The following LATS2 variants were observed in gnomAD, a reference collection of about 807,000 sequenced individuals.
LATS2 encodes the protein serine/threonine-protein kinase LATS2.
Under a neutral mutation model 76.0 loss-of-function variants are expected in LATS2, and 24 were observed. The observed-to-expected ratio is 0.32, with a 90% CI of 0.23 to 0.44. The LOEUF (loss-of-function observed/expected upper bound fraction) is 0.44. Among genes scored for constraint, LATS2 ranks in the 20% least tolerant of loss-of-function variants. The pLI is 1.00. For synonymous variants in LATS2, 692 were observed against 635.4 expected (o/e 1.09, Z -1.34); for missense variants, 1,286 against 1,481.2 (o/e 0.87, Z 2.16).
At chr13:20,987,485 A>T (rs1358074954) in intron 4 of LATS2, among the ~76,000 whole-genome samples, 1 of 152,226 alleles carries the variant, frequency 6.6e-6, no homozygotes, top group Admixed American at 6.5e-5. Flanking sequence ...TTTCTTCCAA[A>T]ATCCCACAAT....
At chr13:21,028,179 GT>G (rs1285581313) in intron 2 of LATS2, among the ~76,000 whole-genome samples, 2 of 152,048 alleles carry the variant, frequency 1.3e-5, no homozygotes, top group Admixed American at 6.5e-5. Context: ...AACATGCGGT[GT>G]TTGGTTTTTT....
At chr13:21,025,217 T>TAA (rs11357046) in intron 2 of LATS2, among the ~76,000 whole-genome samples, 10 of 134,946 alleles carry the variant, frequency 7.4e-5, no homozygotes, top group African/African-American at 2.2e-4. Context: ...CCGTCTCTAC[T>TAA]AAAAAAAAAA....
At chr13:20,983,104 G>A (rs970475143) in intron 5 of LATS2, 120 bp downstream of exon 5, 28 of 639,046 alleles carry the variant, frequency 4.4e-5, no homozygotes, top group Non-Finnish European at 5.5e-6. Context: ...TAAAATAATG[G>A]AGTGACAGAT....
Position 21,059,616 on chromosome 13 carries a change from C to A in LATS2, c.-205+1730G>T, listed in dbSNP as rs544149774. Among the ~76,000 whole-genome samples the A allele has an allele frequency of 1.3e-4, 19 of 149,814 alleles. No homozygotes were observed. In the East Asian group the frequency reaches 2.8e-3, roughly 22 times the overall value. ...TCTCAAAAAACAACAACAACAACAA[C>A]AAAAAACACTCATATCCATCCTAGA... On this transcript the variant is annotated intron_variant, in intron 1 of 7. Coordinates refer to ENST00000382592, the MANE Select transcript of LATS2 (RefSeq NM_014572.3).
intron 6 of LATS2, 106 bp downstream of exon 6, chr13:20,981,360 T>C: frequency 9.6e-7 from 1 of 1,046,136 alleles, no homozygotes; most frequent in Non-Finnish European, 1.4e-6. Flanking sequence ...AGGACAAAAA[T>C]ATGACTGGAA....
intron 2 of LATS2, among the ~76,000 whole-genome samples, chr13:21,044,689 G>GGGGTGTGTGT (rs1872996981): frequency 7.3e-6 from 1 of 137,686 alleles, no homozygotes; most frequent in African/African-American, 2.8e-5. Flanking sequence ...GAGGTGTAGG[G>GGGGTGTGTGT]GTGTGTGTGT....
intron 1 of LATS2, among the ~76,000 whole-genome samples, chr13:21,056,461 A>AC (rs1399916316): frequency 6.6e-6 from 1 of 152,236 alleles, no homozygotes; most frequent in Non-Finnish European, 1.5e-5. Context: ...TGGCATAAAA[A>AC]AATTGAGCTA....
At chr13:21,006,816 T>C (rs1421454264) in intron 2 of LATS2, among the ~76,000 whole-genome samples, 2 of 152,192 alleles carry the variant, frequency 1.3e-5, no homozygotes, top group Admixed American at 6.5e-5. Context: ...CTGTGCATGT[T>C]TGGGGGCTCT....
chr13:21,007,559 A>ATATATATATATATAG (rs1871322383), intron 2 of LATS2, among the ~76,000 whole-genome samples: 1 of 16,616 alleles, frequency 6.0e-5, no homozygotes, highest in Non-Finnish European at 8.0e-5. Flanking sequence ...ATATATATAT[A>ATATATATATATATAG]TATATATATA....
In LATS2 at chr13:20,976,025, T is replaced by C. The variant is rs543850372; in HGVS notation, c.2773-661A>G. On this transcript the variant is annotated intron_variant, in intron 7 of 7. Transcript: ENST00000382592. ...GGTCAAAAAACGGCCAACTGGGGTT[T>C]TGAAAAACAAACAGGAAAAACTTCA... Among the ~76,000 whole-genome samples, 582 of 152,304 alleles carry C rather than the reference T, an allele frequency of 3.8e-3. 2 individuals are homozygous for C. The highest frequency in any genetic ancestry group is 6.2e-3 in the Non-Finnish European group (422 of 68,030).
intron 6 of LATS2, among the ~76,000 whole-genome samples, chr13:20,980,058 A>T (rs1352149655): frequency 6.6e-6 from 1 of 152,206 alleles, no homozygotes; most frequent in Non-Finnish European, 1.5e-5. Context: ...GATTATTTTT[A>T]TTGTTAGCAA....
In LATS2 at chr13:20,974,743, C is replaced by A; in HGVS notation, c.*127G>T. On this transcript the variant is annotated 3_prime_UTR_variant, in exon 8 of 8. Coordinates refer to ENST00000382592, the MANE Select transcript of LATS2 (RefSeq NM_014572.3). ...GTTTTCTTGGTGAAGAGCAGAATTT[C>A]AAGTGAAGTAATCGACGGACTAATT... 3 of 1,003,916 alleles carry A rather than the reference C, an allele frequency of 3.0e-6. No individual in the cohort carries two copies. Among genetic ancestry groups the A allele is most frequent in the South Asian group, 1.7e-5 (1 of 58,350 alleles). 62.2% of individuals were successfully genotyped at this position (1,003,916 alleles called of 1,614,324 possible).
intron 7 of LATS2, among the ~76,000 whole-genome samples, chr13:20,975,785 G>A (rs748449125): frequency 7.2e-5 from 11 of 152,142 alleles, no homozygotes; most frequent in Non-Finnish European, 1.6e-4. Flanking sequence ...CTGGGTTCAA[G>A]CGATTCTCCT....
intron 1 of LATS2, among the ~76,000 whole-genome samples, chr13:21,056,149 T>TC (rs1565968276): frequency 2.0e-5 from 3 of 151,338 alleles, no homozygotes; most frequent in African/African-American, 4.9e-5. Flanking sequence ...TTTTTTTTGG[T>TC]GGGGGGGGCA....
chr13:20,983,505 G>A lies in LATS2; in HGVS notation c.2201C>T (p.Ser734Phe). ...GTACAGGCTGTCTTTGTCTTGGAAG[G>A]AGTAGTAGAGTTTGACCACCCACTC... Reference protein sequence around the residue: ...DNEWVVKLYYSFQDKDSLYFV... With the variant: ...DNEWVVKLYYFFQDKDSLYFV... The change falls in exon 5 of 8, where the codon TCC becomes TTC. Residue 734 changes from serine (S) to phenylalanine (F), a missense_variant. Physicochemically the swap from Ser to Phe is radical, Grantham distance 155 (BLOSUM62 -2). This residue lies in a region of LATS2 where 247 missense variants were observed against 385.4 expected (regional missense o/e 0.64). Transcript: ENST00000382592. 1 of 1,614,148 alleles carries A rather than the reference G, an allele frequency of 6.2e-7. No individual in the cohort carries two copies.
At position 21,018,717 on chromosome 13, in the gene LATS2, G is replaced by A. The variant is rs567090215; in HGVS notation, c.342+26968C>T. ...CGCCCTGTCTGGAGTGCAGTGGCTC[G>A]ATCACGGCTGACTGCAGCCTCCACC... On this transcript the variant is annotated intron_variant, in intron 2 of 7. Transcript: ENST00000382592. 9.9e-5 allele frequency among the ~76,000 whole-genome samples: 15 copies of A among 151,946 alleles called. No individual in the cohort carries two copies. In the East Asian group the frequency reaches 1.2e-3, roughly 12 times the overall value.
At chr13:20,976,498 C>CA (rs1869630592) in intron 7 of LATS2, among the ~76,000 whole-genome samples, 1 of 152,076 alleles carries the variant, frequency 6.6e-6, no homozygotes, top group East Asian at 1.9e-4. Flanking sequence ...TTACTGATAG[C>CA]AAAAAGGCAA....
chr13:21,009,192 T>C (rs1347115067), intron 2 of LATS2, among the ~76,000 whole-genome samples: 1 of 152,140 alleles, frequency 6.6e-6, no homozygotes, highest in Non-Finnish European at 1.5e-5. Flanking sequence ...AATGAATGAA[T>C]AAAGAAGCAG....
At position 20,991,413 on chromosome 13, in the gene LATS2, G is replaced by A. The variant is rs771463308; in HGVS notation, c.343-9C>T. 2.4e-5 allele frequency: 38 copies of A among 1,614,060 alleles called. 1 individual carries two copies. The Middle Eastern group carries it at 6.6e-4, about 28-fold the overall frequency. ...GCTCGGCCAGCCATCTCCTGGGAGG[G>A]AAGTAAAGGAGAGGTAAGTGCATGT... On this transcript the variant is annotated splice_polypyrimidine_tract_variant and intron_variant, in intron 2 of 7. Transcript: ENST00000382592. This position sits in a 1 kb window ranked among gnomAD's most constrained non-coding sequence, Gnocchi z 4.9.
Sources: gnomAD v4.1 joint callset for allele counts (sites outside exome capture counted in the v4.1 genomes callset) on GRCh38, gnomAD v4.1.1 for gene constraint, gnomAD v4.1.1 regional missense constraint, Gnocchi (gnomAD v3.1) non-coding constraint, MANE v1.5 for transcripts, NCBI Gene and HGNC (gene_info 2026-07-23, HGNC 2026-07-21) for gene names.